Variants in DLGAP4 observed in about 807,000 individuals in gnomAD.
DLGAP4 encodes DLG associated protein 4.
A neutral mutation model predicts 86.9 loss-of-function variants in DLGAP4; 18 were observed. The observed-to-expected ratio is 0.21, with a 90% CI of 0.14 to 0.31. DLGAP4 has a LOEUF of 0.31. Ranked by LOEUF, DLGAP4 falls within the 10% of genes least tolerant of loss-of-function variation. The probability of loss-of-function intolerance (pLI) is 1.00; values close to 1 mark genes in which losing one functional copy is unlikely to be tolerated. For missense variants in DLGAP4, 1,085 were observed against 1,362.6 expected (o/e 0.80, Z 3.21); for synonymous variants, 548 against 574.3 (o/e 0.95, Z 0.65).
chr20:36,511,630 T>A (rs1267121988), intron 10 of DLGAP4, among the ~76,000 whole-genome samples: 3 of 152,054 alleles, frequency 2.0e-5, no homozygotes, highest in African/African-American at 7.2e-5. Flanking sequence ...ATCCCAGCAC[T>A]TTGGAAGGCC....
intron 7 of DLGAP4, among the ~76,000 whole-genome samples, chr20:36,456,651 A>T (rs1008513509): frequency 6.6e-6 from 1 of 152,236 alleles, no homozygotes; most frequent in African/African-American, 2.4e-5. Flanking sequence ...GGACTACGAC[A>T]TGCCTGATTA....
chr20:36,451,464 C>T (rs1050624725), intron 7 of DLGAP4, among the ~76,000 whole-genome samples: 1 of 152,144 alleles, frequency 6.6e-6, no homozygotes, highest in Non-Finnish European at 1.5e-5. Context: ...GATTCTCATG[C>T]CTCAGCCTCC....
At chr20:36,499,350 T>TTCCCCCCCCCCCC in intron 8 of DLGAP4, 4 of 1,544,992 alleles carry the variant, frequency 2.6e-6, no homozygotes. Context: ...CTCCACCCCA[T>TTCCCCCCCCCCCC]CCCACCTCCC....
chr20:36,491,331 T>C (rs1383415866), intron 7 of DLGAP4, among the ~76,000 whole-genome samples: 1 of 151,846 alleles, frequency 6.6e-6, no homozygotes, highest in Non-Finnish European at 1.5e-5. Context: ...TGCTGCGAGG[T>C]AGGGAGGCTG....
Position 36,442,281 on chromosome 20 carries a change from G to A in DLGAP4, c.1357-446G>A, listed in dbSNP as rs141495366. Among the ~76,000 whole-genome samples the A allele has an allele frequency of 9.7e-3, 1,481 of 152,264 alleles. 20 individuals are homozygous for A. The highest frequency in any genetic ancestry group is 0.034 in the African/African-American group (1,406 of 41,554). The stretch of plus-strand genomic sequence containing the variant: ...GCGATCCCAGCTCACTGCAACCTCC[G>A]CCTCACGGGTTCAAGCAATTCTCCT... On this transcript the variant is annotated intron_variant, in intron 5 of 12. Coordinates refer to ENST00000339266, the MANE Select transcript of DLGAP4 (RefSeq NM_001365621.2).
chr20:36,469,052 A>G (rs6021148), intron 7 of DLGAP4, among the ~76,000 whole-genome samples: 10,033 of 152,254 alleles, frequency 0.066, 1,198 homozygotes, highest in African/African-American at 0.23. Context: ...CCAACTTTGG[A>G]AAGTATTACT....
At chr20:36,399,347 G>A (rs1480513045) in intron 2 of DLGAP4, among the ~76,000 whole-genome samples, 4 of 152,220 alleles carry the variant, frequency 2.6e-5, no homozygotes, top group East Asian at 1.9e-4. Flanking sequence ...ACTTCCACCC[G>A]AAGAGCCTTG....
chr20:36,473,328 C>T (rs1464694359), intron 7 of DLGAP4, among the ~76,000 whole-genome samples: 1 of 152,154 alleles, frequency 6.6e-6, no homozygotes, highest in African/African-American at 2.4e-5. Flanking sequence ...CATTTTATGT[C>T]GCTGAGTTGT....
At chr20:36,509,947 C>G (rs533356814) in intron 10 of DLGAP4, among the ~76,000 whole-genome samples, 1 of 152,064 alleles carries the variant, frequency 6.6e-6, no homozygotes, top group South Asian at 2.1e-4. Context: ...ACCTCTGCCT[C>G]CCGGGTTCAA....
intron 2 of DLGAP4, among the ~76,000 whole-genome samples, chr20:36,403,798 G>A (rs774318817): frequency 6.6e-6 from 1 of 152,240 alleles, no homozygotes; most frequent in African/African-American, 2.4e-5. Flanking sequence ...CAGTCAGGAT[G>A]TCAGCTAGGG....
At chr20:36,473,329 G>T (rs1276518791) in intron 7 of DLGAP4, among the ~76,000 whole-genome samples, 2 of 152,114 alleles carry the variant, frequency 1.3e-5, no homozygotes, top group African/African-American at 2.4e-5. Context: ...ATTTTATGTC[G>T]CTGAGTTGTT....
intron 5 of DLGAP4, 21 bp downstream of exon 5, chr20:36,439,889 G>A (rs1420563998): frequency 6.3e-7 from 1 of 1,598,550 alleles, no homozygotes; most frequent in South Asian, 1.1e-5. Flanking sequence ...CAGGGAGGCT[G>A]GAGAGTCAGG....
At chr20:36,355,656 A>G (rs1390417435) in intron 1 of DLGAP4, among the ~76,000 whole-genome samples, 5 of 152,136 alleles carry the variant, frequency 3.3e-5, no homozygotes, top group Non-Finnish European at 5.9e-5. Context: ...ATTCCTTTTT[A>G]GTGCTGAGTA....
rs1215851887 is a variant in DLGAP4 at position 36,446,766 on chromosome 20, A to G, written c.1477A>G (p.Thr493Ala). The change falls in exon 7 of 13, where the codon ACA becomes GCA. Residue 493 changes from threonine to alanine, a missense_variant. Coordinates refer to ENST00000339266, the MANE Select transcript of DLGAP4 (RefSeq NM_001365621.2). Reference protein sequence around the residue: ...CESACSEAESTAAETLDLPLP... With the variant: ...CESACSEAESAAAETLDLPLP... The stretch of plus-strand genomic sequence containing the variant: ...GTCAGCCTGCAGTGAAGCGGAGTCC[A>G]CAGCGGCAGAGACGCTTGACTTGCC... 1 of 1,613,016 alleles carries G rather than the reference A, an allele frequency of 6.2e-7. No homozygotes were observed. Among genetic ancestry groups the G allele is most frequent in the South Asian group, 1.1e-5 (1 of 91,014 alleles).
chr20:36,346,137 T>A (rs1250895455), intron 1 of DLGAP4, among the ~76,000 whole-genome samples: 1 of 152,198 alleles, frequency 6.6e-6, no homozygotes, highest in Non-Finnish European at 1.5e-5. Flanking sequence ...TAAATTGTAA[T>A]CCCTTGGAGG....
At chr20:36,334,014 ACT>A (rs1555891836) in intron 1 of DLGAP4, among the ~76,000 whole-genome samples, 1 of 151,936 alleles carries the variant, frequency 6.6e-6, no homozygotes, top group Non-Finnish European at 1.5e-5. Context: ...GGGAGTGGCG[ACT>A]CTGTGGACAG....
At chr20:36,367,448 C>G (rs952819664) in intron 2 of DLGAP4, among the ~76,000 whole-genome samples, 173 bp downstream of exon 2, 14 of 152,220 alleles carry the variant, frequency 9.2e-5, no homozygotes, top group African/African-American at 3.4e-4. Flanking sequence ...CTTAGCCAGT[C>G]CTCCCAACAA....
At position 36,431,934 on chromosome 20, in the gene DLGAP4, C is replaced by T. The variant is rs767345705; in HGVS notation, c.217C>T (p.Arg73Cys). Residue 73 changes from arginine (R) to cysteine (C), a missense_variant, in exon 3 of 13, where the codon CGC (arginine) becomes TGC (cysteine). Transcript: ENST00000339266. This position sits in a 1 kb window ranked among gnomAD's most constrained non-coding sequence, Gnocchi z 5.1. ...QLPPPSSTFP[R>C]IHYNSHFEVP... Reference sequence around the variant, plus strand: ...GCCCCCGCCCAGCAGCACCTTTCCCCGCATCCACTACAACTCCCACTTCGA... The same window carrying T: ...GCCCCCGCCCAGCAGCACCTTTCCCTGCATCCACTACAACTCCCACTTCGA... 6.2e-6 allele frequency: 10 copies of T among 1,614,234 alleles called. No homozygotes were observed. Among genetic ancestry groups the T allele is most frequent in the Admixed American group, 1.7e-5 (1 of 60,034 alleles).
chr20:36,467,053 T>TCTCTCTCG (rs2034431697), intron 7 of DLGAP4, among the ~76,000 whole-genome samples: 1 of 120,840 alleles, frequency 8.3e-6, no homozygotes. Context: ...TCTCTCTCTC[T>TCTCTCTCG]CTCTCTCTCT....
Sources: allele counts gnomAD v4.1 joint callset (sites outside exome capture counted in the v4.1 genomes callset), GRCh38; gene constraint gnomAD v4.1.1; non-coding constraint Gnocchi (gnomAD v3.1); transcripts MANE v1.5; gene names NCBI Gene and HGNC (gene_info 2026-07-23, HGNC 2026-07-21).